SPEN: variants seen among roughly 807,000 people sequenced by gnomAD.
SPEN encodes msx2-interacting protein.
SPEN carries 18 observed loss-of-function variants against 269.9 expected under a neutral mutation model. The ratio of observed to expected loss-of-function variants is 0.07; its 90% confidence interval spans 0.05 to 0.10. The LOEUF (loss-of-function observed/expected upper bound fraction) is 0.10, where lower values mean the gene tolerates loss of function less well. Among genes scored for constraint, SPEN ranks in the 10% least tolerant of loss-of-function variants. The pLI is 1.00. For missense variants in SPEN, 3,822 were observed against 4,631.2 expected, an observed-to-expected ratio of 0.83 and a Z score of 5.07; for synonymous variants, 1,726 against 1,765.7, an observed-to-expected ratio of 0.98 and a Z score of 0.56.
At position 15,848,624 on chromosome 1, in the gene SPEN, G is replaced by C. The variant is rs1284113657; in HGVS notation, c.83+474G>C. 6.6e-6 allele frequency among the ~76,000 whole-genome samples: 1 copy of C among 152,206 alleles called. No individual in the cohort carries two copies. Among genetic ancestry groups the C allele is most frequent in the Admixed American group, 6.5e-5 (1 of 15,272 alleles). On this transcript the variant is annotated intron_variant, in intron 1 of 14. Transcript: ENST00000375759. This position sits in a 1 kb window ranked among gnomAD's most constrained non-coding sequence, Gnocchi z 5.1. ...CAATGTCTGACTTCGGGAGGGTTCCGTGCGAAGGGAAAGGCGGTGCGAAAA... is the reference window on the plus strand; with the variant it reads ...CAATGTCTGACTTCGGGAGGGTTCCCTGCGAAGGGAAAGGCGGTGCGAAAA...
At chr1:15,910,997 A>G in intron 4 of SPEN, 104 bp from the exon 5 acceptor site, 1 of 982,854 alleles carries the variant, frequency 1.0e-6, no homozygotes, top group Non-Finnish European at 1.5e-6. Flanking sequence ...CCTGTCTGAC[A>G]TGAACAAAAA....
At chr1:15,927,261 C>T (rs936532761) in intron 10 of SPEN, among the ~76,000 whole-genome samples, 4 of 152,218 alleles carry the variant, frequency 2.6e-5, no homozygotes, top group African/African-American at 9.6e-5. Context: ...TGCAGTCATC[C>T]CTGGTTTGTT....
At chr1:15,885,301 C>T (rs190758727) in intron 3 of SPEN, among the ~76,000 whole-genome samples, 46 of 152,094 alleles carry the variant, frequency 3.0e-4, no homozygotes, top group Middle Eastern at 3.4e-3. Context: ...TGTTCTGCTT[C>T]GTTATTACTT....
chr1:15,860,464 T>TA (rs1425321640), intron 1 of SPEN, among the ~76,000 whole-genome samples: 1 of 150,426 alleles, frequency 6.6e-6, no homozygotes, highest in Non-Finnish European at 1.5e-5. Flanking sequence ...TGTGTGTGTG[T>TA]GTGTGTGTGT....
intron 2 of SPEN, chr1:15,873,900 C>G: frequency 5.3e-6 from 6 of 1,133,514 alleles, no homozygotes; most frequent in Non-Finnish European, 6.6e-6. Context: ...ATTACTATAT[C>G]ATTTCTTAAG....
At chr1:15,891,353 T>C (rs907587573) in intron 3 of SPEN, among the ~76,000 whole-genome samples, 1 of 120,876 alleles carries the variant, frequency 8.3e-6, no homozygotes, top group South Asian at 3.3e-4. Flanking sequence ...CTTAGCTAAA[T>C]TTTTTTTTTT....
chr1:15,936,123 A>T lies in SPEN; in HGVS notation c.9883A>T (p.Ile3295Phe). 1 of 1,611,424 alleles carries T rather than the reference A, an allele frequency of 6.2e-7. No homozygotes were observed. The highest frequency in any genetic ancestry group is 8.5e-7 in the Non-Finnish European group (1 of 1,178,282). ...PPVVVTHGVQ[I>F]VHSSGELFQE... ...TGTGGTGGTGACCCATGGGGTGCAG[A>T]TTGTGCACTCCAGCGGGGAGCTGTT... The change falls in exon 11 of 15, where the codon ATT becomes TTT. Residue 3295 changes from isoleucine to phenylalanine, a missense_variant. Physicochemically the swap from Ile to Phe is conservative, Grantham distance 21. This residue lies in a region of SPEN where 359 missense variants were observed against 377.3 expected (regional missense o/e 0.95). Coordinates refer to ENST00000375759, the MANE Select transcript of SPEN (RefSeq NM_015001.3).
At position 15,937,153 on chromosome 1, in the gene SPEN, C is replaced by G; in HGVS notation, c.10027-10C>G. 1 of 1,606,460 alleles carries G rather than the reference C, an allele frequency of 6.2e-7. No individual in the cohort carries two copies. Among genetic ancestry groups the G allele is most frequent in the African/African-American group, 1.3e-5 (1 of 74,804 alleles). On this transcript the variant is annotated splice_polypyrimidine_tract_variant and intron_variant, in intron 11 of 14. Coordinates refer to ENST00000375759, the MANE Select transcript of SPEN (RefSeq NM_015001.3). This position sits in a 1 kb window ranked among gnomAD's most constrained non-coding sequence, Gnocchi z 5.7. The stretch of plus-strand genomic sequence containing the variant: ...TGACTCTGTCCCTTTGCCTTCCTTC[C>G]CTACACCAGGGCCCTCCTCCTGAAG...
chr1:15,916,038 T>C, intron 5 of SPEN, 90 bp from the exon 6 acceptor site: 1 of 1,426,992 alleles, frequency 7.0e-7, no homozygotes. Context: ...TTCAGACATT[T>C]TGTTTTTTAA....
chr1:15,865,174 C>T (rs1448183361), intron 1 of SPEN, among the ~76,000 whole-genome samples: 2 of 151,802 alleles, frequency 1.3e-5, no homozygotes, highest in East Asian at 3.9e-4. Context: ...GCCTCAGCCT[C>T]CCGAGTAGCT....
intron 1 of SPEN, among the ~76,000 whole-genome samples, chr1:15,849,556 G>A (rs542293203): frequency 3.3e-5 from 5 of 152,228 alleles, no homozygotes; most frequent in East Asian, 3.9e-4. Context: ...AGGCCGGGGG[G>A]AGGTGCGCGC....
chr1:15,922,589 C>T (rs2071129734), intron 10 of SPEN, among the ~76,000 whole-genome samples: 1 of 151,952 alleles, frequency 6.6e-6, no homozygotes, highest in Admixed American at 6.6e-5. Flanking sequence ...GCTCCTAGAA[C>T]TTGAAAGAGT....
intron 10 of SPEN, among the ~76,000 whole-genome samples, chr1:15,926,868 A>G (rs1163016228): frequency 6.6e-6 from 1 of 151,726 alleles, no homozygotes; most frequent in African/African-American, 2.4e-5. Context: ...AATTTTTTCT[A>G]TTTTTAGTAG....
chr1:15,910,014 C>G (rs2070997402), intron 4 of SPEN, among the ~76,000 whole-genome samples: 2 of 150,736 alleles, frequency 1.3e-5, no homozygotes, highest in African/African-American at 4.9e-5. Context: ...GTCCCAGCTA[C>G]TCGGGAGGCT....
chr1:15,924,433 CT>C (rs2071148175), intron 10 of SPEN, among the ~76,000 whole-genome samples: 2 of 151,990 alleles, frequency 1.3e-5, no homozygotes, highest in African/African-American at 4.8e-5. Context: ...GTGGGTGTTA[CT>C]TTTTGTATAT....
chr1:15,909,590 A>T lies in SPEN; in HGVS notation c.1042+109A>T. The stretch of plus-strand genomic sequence containing the variant: ...GGCATAAAATTATAATGGAAAACCC[A>T]TTTCGAAATATTAACGTTTTAAATG... On this transcript the variant is annotated intron_variant, in intron 4 of 14. Coordinates refer to ENST00000375759, the MANE Select transcript of SPEN (RefSeq NM_015001.3). 4 of 1,133,332 alleles carry T rather than the reference A, an allele frequency of 3.5e-6. No individual in the cohort carries two copies. In the South Asian group the frequency reaches 6.2e-5, roughly 18 times the overall value. The allele number at this position is 1,133,332 out of a possible 1,614,324, so 70.2% of individuals were successfully genotyped here. A position where few individuals can be genotyped will look rare whatever the true frequency, so the allele number is the denominator to read the frequency against.
Position 15,928,317 on chromosome 1 carries a change from A to G in SPEN, c.2077A>G (p.Arg693Gly). ...YRNDPYEQDI[R>G]EYSYRQRERE... ...GAATGATCCTTATGAACAAGATATT[A>G]GGGAATATAGTTACAGGCAAAGGGA... is the stretch of plus-strand genomic sequence containing the variant. The change falls in exon 11 of 15, where the codon AGG becomes GGG. Residue 693 changes from arginine to glycine, a missense_variant. This residue lies in a region of SPEN where 572 missense variants were observed against 582.6 expected (regional missense o/e 0.98). Coordinates refer to ENST00000375759, the MANE Select transcript of SPEN (RefSeq NM_015001.3). The surrounding 1 kb of genome is among the most constrained non-coding windows in gnomAD (Gnocchi z 5.7). The G allele has an allele frequency of 6.2e-7, 1 of 1,614,240 alleles. No homozygotes were observed.
chr1:15,864,473 T>TTG (rs1310729215), intron 1 of SPEN, among the ~76,000 whole-genome samples: 47 of 149,046 alleles, frequency 3.2e-4, no homozygotes, highest in African/African-American at 1.1e-3. Flanking sequence ...CCGGCCGGTT[T>TTG]TTTTTTTTTT....
chr1:15,928,378 G>C lies in SPEN; in HGVS notation c.2138G>C (p.Arg713Pro), dbSNP rs867088456. 1 of 1,614,024 alleles carries C rather than the reference G, an allele frequency of 6.2e-7. No individual in the cohort carries two copies. The highest frequency in any genetic ancestry group is 1.1e-5 in the South Asian group (1 of 91,074). The change falls in exon 11 of 15, where the codon CGG becomes CCG. Residue 713 changes from arginine (R) to proline (P), a missense_variant. By Grantham distance (103) the Arg-to-Pro change is moderately radical. Around this residue, in one of 16 missense-constraint regions of SPEN, gnomAD observed 572 missense variants for 582.6 expected, o/e 0.98. Transcript: ENST00000375759. The surrounding 1 kb of genome is among the most constrained non-coding windows in gnomAD (Gnocchi z 5.7). ...GAACGTGAAAGATTTGAGTCTGACCGGGACAGAGACCATGAGAGGAGGCCG... is the reference window on the plus strand; with the variant it reads ...GAACGTGAAAGATTTGAGTCTGACCCGGACAGAGACCATGAGAGGAGGCCG... ...ERERERFESD[R>P]DRDHERRPIE...
Sources: allele counts gnomAD v4.1 joint callset (sites outside exome capture counted in the v4.1 genomes callset), GRCh38; gene constraint gnomAD v4.1.1; regional missense constraint gnomAD v4.1.1; non-coding constraint Gnocchi (gnomAD v3.1); transcripts MANE v1.5; gene names NCBI Gene and HGNC (gene_info 2026-07-23, HGNC 2026-07-21).